GIPC2: variants seen among roughly 807,000 people sequenced by gnomAD.
GIPC2 encodes PDZ domain-containing protein GIPC2.
A neutral mutation model predicts 30.6 loss-of-function variants in GIPC2; 30 were observed. That is an observed-to-expected ratio of 0.98 (90% CI 0.73 to 1.33). GIPC2 has a LOEUF of 1.33. Ranked by LOEUF, GIPC2 falls within the 40% of genes most tolerant of loss-of-function variation. The probability of loss-of-function intolerance (pLI) is 0.00; values close to 1 mark genes in which losing one functional copy is unlikely to be tolerated. For synonymous variants in GIPC2, 167 were observed against 150.0 expected, an observed-to-expected ratio of 1.11 and a Z score of -0.83; for missense variants, 414 against 390.3, an observed-to-expected ratio of 1.06 and a Z score of -0.51.
chr1:78,125,680 C>G (rs1662768565), intron 4 of GIPC2, among the ~76,000 whole-genome samples: 1 of 152,118 alleles, frequency 6.6e-6, no homozygotes, highest in Non-Finnish European at 1.5e-5. Flanking sequence ...GAATCCGTAA[C>G]ACTTAGTGCT....
intron 5 of GIPC2, among the ~76,000 whole-genome samples, chr1:78,133,876 T>C (rs1431487785): frequency 6.6e-6 from 1 of 152,090 alleles, no homozygotes; most frequent in African/African-American, 2.4e-5. Flanking sequence ...ATATTTAAAT[T>C]ATCCCTGATT....
At chr1:78,095,867 G>A (rs915837989) in intron 3 of GIPC2, among the ~76,000 whole-genome samples, 9 of 152,020 alleles carry the variant, frequency 5.9e-5, no homozygotes, top group African/African-American at 9.7e-5. Flanking sequence ...ATGACCCCAC[G>A]CACCCTATGT....
intron 3 of GIPC2, among the ~76,000 whole-genome samples, chr1:78,118,799 G>T (rs143024945): frequency 7.9e-5 from 12 of 152,268 alleles, no homozygotes; most frequent in Non-Finnish European, 1.6e-4. Flanking sequence ...ACCTCGTTTT[G>T]AATCCCAGCC....
At chr1:78,091,069 TA>T (rs1662028103) in intron 2 of GIPC2, among the ~76,000 whole-genome samples, 1 of 152,214 alleles carries the variant, frequency 6.6e-6, no homozygotes, top group Non-Finnish European at 1.5e-5. Flanking sequence ...TTGGGTTCTA[TA>T]CCTTTTTTAA....
intron 5 of GIPC2, among the ~76,000 whole-genome samples, chr1:78,131,121 C>T (rs1662886254): frequency 1.3e-5 from 2 of 150,916 alleles, no homozygotes; most frequent in South Asian, 2.1e-4. Flanking sequence ...ACAGGTTAAA[C>T]ATTTACTATT....
chr1:78,090,110 C>A (rs553342428), intron 2 of GIPC2, among the ~76,000 whole-genome samples: 1 of 152,316 alleles, frequency 6.6e-6, no homozygotes, highest in South Asian at 2.1e-4. Flanking sequence ...GGGTACACAT[C>A]ACCCTGGAGT....
chr1:78,115,052 GAT>G (rs1349786771), intron 3 of GIPC2, among the ~76,000 whole-genome samples: 9 of 152,206 alleles, frequency 5.9e-5, no homozygotes, highest in African/African-American at 2.2e-4. Context: ...AGCAAGATAA[GAT>G]AGAAACGTCA....
chr1:78,106,150 G>A (rs1414602793), intron 3 of GIPC2, among the ~76,000 whole-genome samples: 3 of 150,752 alleles, frequency 2.0e-5, no homozygotes, highest in African/African-American at 7.3e-5. Context: ...CAGGAGAATC[G>A]CTTGAACCTG....
chr1:78,079,319 T>G (rs1232944690), intron 1 of GIPC2, among the ~76,000 whole-genome samples: 5 of 152,184 alleles, frequency 3.3e-5, no homozygotes. Context: ...TGAGCTTGGC[T>G]GAACACTCTT....
chr1:78,048,129 CTT>C (rs1003462507), intron 1 of GIPC2, among the ~76,000 whole-genome samples: 4 of 152,116 alleles, frequency 2.6e-5, no homozygotes, highest in South Asian at 2.1e-4. Context: ...GCATTTTTGA[CTT>C]ATGATATTTT....
intron 3 of GIPC2, among the ~76,000 whole-genome samples, chr1:78,116,738 C>T (rs1207630872): frequency 2.0e-5 from 3 of 152,210 alleles, no homozygotes; most frequent in African/African-American, 7.2e-5. Context: ...GCCACATTTT[C>T]TTAACCCAGT....
At chr1:78,084,841 A>G (rs1466495450) in intron 2 of GIPC2, among the ~76,000 whole-genome samples, 1 of 152,216 alleles carries the variant, frequency 6.6e-6, no homozygotes, top group Non-Finnish European at 1.5e-5. Context: ...TTTTGGGTCA[A>G]GACTATTGGG....
At chr1:78,100,981 CAT>C (rs1432057534) in intron 3 of GIPC2, among the ~76,000 whole-genome samples, 9 of 144,250 alleles carry the variant, frequency 6.2e-5, no homozygotes, top group African/African-American at 1.8e-4. Flanking sequence ...CACACACACA[CAT>C]ACACACGAGG....
chr1:78,084,370 TG>T (rs373046274), intron 2 of GIPC2, among the ~76,000 whole-genome samples: 5 of 152,080 alleles, frequency 3.3e-5, no homozygotes, highest in African/African-American at 1.2e-4. Flanking sequence ...AAAAATTAGC[TG>T]GGTGTGGTGC....
At chr1:78,116,127 T>G (rs530404778) in intron 3 of GIPC2, among the ~76,000 whole-genome samples, 1 of 152,306 alleles carries the variant, frequency 6.6e-6, no homozygotes, top group East Asian at 1.9e-4. Context: ...ATGTCTTATA[T>G]GGCAACAGAC....
At chr1:78,098,567 G>A (rs1662182569) in intron 3 of GIPC2, among the ~76,000 whole-genome samples, 1 of 152,194 alleles carries the variant, frequency 6.6e-6, no homozygotes. Context: ...TAAGGAGGAA[G>A]ACTAAGTTAT....
chr1:78,093,465 C>T (rs586680), intron 2 of GIPC2, among the ~76,000 whole-genome samples: 34,350 of 152,046 alleles, frequency 0.23, 4,190 homozygotes, highest in East Asian at 0.49. Flanking sequence ...ATGTTAACAG[C>T]CACTATTAGA....
intron 1 of GIPC2, among the ~76,000 whole-genome samples, chr1:78,061,739 C>T (rs1345450238): frequency 6.6e-6 from 1 of 150,922 alleles, no homozygotes; most frequent in Non-Finnish European, 1.5e-5. Flanking sequence ...GCCTCAGCCT[C>T]CTGAGGAGCT....
At chr1:78,112,396 C>G (rs1286122789) in intron 3 of GIPC2, 2 of 518,510 alleles carry the variant, frequency 3.9e-6, no homozygotes, top group Non-Finnish European at 7.7e-6. Flanking sequence ...GTGTCCATAG[C>G]ATCCCATTCT....
Sources: allele counts gnomAD v4.1 joint callset (sites outside exome capture counted in the v4.1 genomes callset), GRCh38; gene constraint gnomAD v4.1.1; transcripts MANE v1.5; gene names NCBI Gene and HGNC (gene_info 2026-07-23, HGNC 2026-07-21).